Variants in NSUN6 observed in about 807,000 individuals in gnomAD.
NSUN6 encodes the protein tRNA (cytosine(72)-C(5))-methyltransferase NSUN6.
NSUN6 carries 64 observed loss-of-function variants against 58.0 expected under a neutral mutation model. The observed-to-expected ratio is 1.10, with a 90% confidence interval of 0.90 to 1.36. NSUN6 has a LOEUF of 1.36. Among genes scored for constraint, NSUN6 ranks in the 40% most tolerant of loss-of-function variants. The pLI, the probability that NSUN6 is intolerant of heterozygous loss-of-function variation, is 0.00. For missense variants in NSUN6, 701 were observed against 550.1 expected (o/e 1.27, Z -2.74); for synonymous variants, 231 against 193.9 (o/e 1.19, Z -1.59).
At chr10:18,653,698 T>C (rs1006057344), upstream of NSUN6, among the ~76,000 whole-genome samples, 2 of 152,182 alleles carry the variant, frequency 1.3e-5, no homozygotes, top group Non-Finnish European at 1.5e-5. Flanking sequence ...GACTAGATGT[T>C]ATAGTAATGA....
At chr10:18,648,405 T>C (rs2059609826) in intron 2 of NSUN6, 85 bp downstream of exon 2, 1 of 829,930 alleles carries the variant, frequency 1.2e-6, no homozygotes, top group Non-Finnish European at 2.0e-6. Context: ...TGGAAGTGTA[T>C]TATATCATTC....
At chr10:18,580,132 G>A (rs1420517489) in intron 8 of NSUN6, among the ~76,000 whole-genome samples, 2 of 152,140 alleles carry the variant, frequency 1.3e-5, no homozygotes, top group East Asian at 1.9e-4. Context: ...TTTTGCAGAC[G>A]CTCTCGCCAG....
intron 8 of NSUN6, among the ~76,000 whole-genome samples, chr10:18,584,322 C>T (rs914820537): frequency 6.6e-6 from 1 of 152,238 alleles, no homozygotes; most frequent in Admixed American, 6.5e-5. Context: ...TTTCCGCTTT[C>T]TGCTCCAAAG....
chr10:18,563,497 G>A (rs1589868453), intron 8 of NSUN6, among the ~76,000 whole-genome samples: 1 of 151,222 alleles, frequency 6.6e-6, no homozygotes, highest in Non-Finnish European at 1.5e-5. Context: ...GAATAGAATG[G>A]AGAGTGGAAT....
intron 3 of NSUN6, among the ~76,000 whole-genome samples, chr10:18,629,672 G>A (rs1378147423): frequency 6.6e-6 from 1 of 151,630 alleles, no homozygotes; most frequent in Non-Finnish European, 1.5e-5. Context: ...ATTACATAAT[G>A]GTAAAGGGAT....
intron 3 of NSUN6, among the ~76,000 whole-genome samples, chr10:18,638,792 AG>A (rs2059300391): frequency 6.6e-6 from 1 of 152,028 alleles, no homozygotes; most frequent in African/African-American, 2.4e-5. Flanking sequence ...GGGAAAGGGC[AG>A]GGGGTGCGGG....
chr10:18,620,232 C>T (rs980160265), intron 3 of NSUN6, among the ~76,000 whole-genome samples: 24 of 151,978 alleles, frequency 1.6e-4, no homozygotes, highest in African/African-American at 5.6e-4. Flanking sequence ...AGACTACAGG[C>T]ACCCGCCACC....
intron 3 of NSUN6, among the ~76,000 whole-genome samples, chr10:18,618,321 G>T (rs2058483186): frequency 6.6e-6 from 1 of 152,040 alleles, no homozygotes; most frequent in Non-Finnish European, 1.5e-5. Flanking sequence ...GAAATTCATG[G>T]TCATTACACT....
chr10:18,576,014 C>T (rs1434648275), intron 8 of NSUN6, among the ~76,000 whole-genome samples: 2 of 152,102 alleles, frequency 1.3e-5, no homozygotes, highest in Non-Finnish European at 2.9e-5. Flanking sequence ...CTCCTAACTA[C>T]TGAAACCACA....
chr10:18,602,091 T>C (rs1413113869), intron 6 of NSUN6, among the ~76,000 whole-genome samples: 2 of 151,880 alleles, frequency 1.3e-5, no homozygotes, highest in African/African-American at 4.8e-5. Flanking sequence ...TGAGATGGTG[T>C]TTCGCTCTGT....
rs544668535 is a variant in NSUN6, at chr10:18,651,053, C to T, written c.75+76G>A. ...ACGGCTGTCAAGATTTCCCTTTATA[C>T]TTATTTCTATTTCTCTCGAGTGTGC... On this transcript the variant is annotated intron_variant, in intron 1 of 10. Coordinates refer to ENST00000377304, the MANE Select transcript of NSUN6 (RefSeq NM_182543.5). 7.1e-6 allele frequency: 11 copies of T among 1,545,556 alleles called. No individual in the cohort carries two copies. The East Asian group carries it at 2.6e-4, about 36-fold the overall frequency.
intron 3 of NSUN6, among the ~76,000 whole-genome samples, chr10:18,640,200 A>C (rs868475224): frequency 1.3e-5 from 2 of 152,224 alleles, no homozygotes; most frequent in African/African-American, 4.8e-5. Context: ...TCTAAAAATG[A>C]GTACACATGA....
chr10:18,648,656 G>GAAT lies in NSUN6; in HGVS notation c.76-12_76-11insATT, dbSNP rs2131599691. On this transcript the variant is annotated splice_polypyrimidine_tract_variant and intron_variant, in intron 1 of 10. Coordinates refer to ENST00000377304, the MANE Select transcript of NSUN6 (RefSeq NM_182543.5). ...TAAAGCAGTCACAATCTAAAAAGAA[G>GAAT]TTCATGTTTAAATTTCCTGAGAATT... 6.5e-7 allele frequency: 1 copy of GAAT among 1,550,168 alleles called. No homozygotes were observed. The highest frequency in any genetic ancestry group is 8.9e-7 in the Non-Finnish European group (1 of 1,127,356).
chr10:18,628,045 A>C (rs915747271), intron 3 of NSUN6, among the ~76,000 whole-genome samples: 3 of 152,224 alleles, frequency 2.0e-5, no homozygotes, highest in Non-Finnish European at 4.4e-5. Context: ...TTCTCCCAGC[A>C]CGCAGCTGGA....
intron 6 of NSUN6, among the ~76,000 whole-genome samples, chr10:18,604,003 G>A (rs1590035021): frequency 6.6e-6 from 1 of 152,170 alleles, no homozygotes; most frequent in East Asian, 1.9e-4. Flanking sequence ...CCAACATGGT[G>A]AAACCCTGTC....
intron 2 of NSUN6, among the ~76,000 whole-genome samples, chr10:18,645,560 T>C (rs1213879362): frequency 1.3e-5 from 2 of 152,238 alleles, no homozygotes; most frequent in Non-Finnish European, 1.5e-5. Flanking sequence ...CAGTTCATTC[T>C]AGTTCATAAT....
chr10:18,572,641 CTCCATTCCATTCTTCAT>C (rs2056434535), intron 8 of NSUN6, among the ~76,000 whole-genome samples: 3 of 149,670 alleles, frequency 2.0e-5, no homozygotes, highest in South Asian at 4.3e-4. Flanking sequence ...CTATTCTATT[CTCCATTCCATTCTTCAT>C]TCCATTCCAT....
intron 3 of NSUN6, among the ~76,000 whole-genome samples, chr10:18,631,263 A>C (rs1229064596): frequency 2.0e-5 from 3 of 148,974 alleles, no homozygotes; most frequent in Non-Finnish European, 3.0e-5. Flanking sequence ...TCAAAATAAT[A>C]AGAGCTATCT....
At chr10:18,572,365 C>CTCCAT (rs905800038) in intron 8 of NSUN6, among the ~76,000 whole-genome samples, 1 of 151,132 alleles carries the variant, frequency 6.6e-6, no homozygotes, top group Non-Finnish European at 1.5e-5. Context: ...CCATTCCATT[C>CTCCAT]TCCATTCCAT....
Sources: allele counts gnomAD v4.1 joint callset (sites outside exome capture counted in the v4.1 genomes callset), GRCh38; gene constraint gnomAD v4.1.1; transcripts MANE v1.5; gene names NCBI Gene and HGNC (gene_info 2026-07-23, HGNC 2026-07-21).